Variants in DAB2 observed in about 807,000 individuals in gnomAD.
DAB2 encodes the protein DAB adaptor protein 2.
A neutral mutation model predicts 71.6 loss-of-function variants in DAB2; 28 were observed. The observed-to-expected ratio is 0.39, with a 90% confidence interval of 0.29 to 0.54. The LOEUF is 0.54. Ranked by LOEUF, DAB2 falls within the 20% of genes least tolerant of loss-of-function variation. The pLI, the probability that DAB2 is intolerant of heterozygous loss-of-function variation, is 0.68. For synonymous variants in DAB2, 345 were observed against 339.7 expected, an observed-to-expected ratio of 1.02 and a Z score of -0.17; for missense variants, 867 against 928.8, an observed-to-expected ratio of 0.93 and a Z score of 0.86.
At chr5:39,379,838 G>T (rs1754936945) in intron 11 of DAB2, among the ~76,000 whole-genome samples, 1 of 151,826 alleles carries the variant, frequency 6.6e-6, no homozygotes, top group Admixed American at 6.6e-5. Flanking sequence ...CTATACTGTA[G>T]AGCTCAGTTT....
At chr5:39,387,672 C>A (rs944644580) in intron 9 of DAB2, 1 of 147,192 alleles carries the variant, frequency 6.8e-6, no homozygotes, top group Non-Finnish European at 1.5e-5. Flanking sequence ...TGAATCTGGA[C>A]CTCTTTCCTT....
At chr5:39,390,388 A>T (rs538870996) in intron 5 of DAB2, 56 bp downstream of exon 5, 33 of 1,558,148 alleles carry the variant, frequency 2.1e-5, no homozygotes, top group Non-Finnish European at 2.7e-5. Context: ...AGTGACAGAC[A>T]CTCCAATGTC....
At chr5:39,400,222 A>G (rs982909960) in intron 1 of DAB2, among the ~76,000 whole-genome samples, 1 of 151,940 alleles carries the variant, frequency 6.6e-6, no homozygotes, top group Non-Finnish European at 1.5e-5. Flanking sequence ...TATGAAACAG[A>G]ATGTGTCTCT....
intron 9 of DAB2, chr5:39,387,905 T>C (rs1341412359): frequency 6.4e-6 from 1 of 155,878 alleles, no homozygotes. Flanking sequence ...TCACACCAAA[T>C]TTATGCTGCT....
At chr5:39,423,015 G>A (rs1388046021) in intron 1 of DAB2, among the ~76,000 whole-genome samples, 1 of 152,112 alleles carries the variant, frequency 6.6e-6, no homozygotes, top group Non-Finnish European at 1.5e-5. Flanking sequence ...CCCCAGAATG[G>A]CAAATACATA....
At chr5:39,396,273 ACTGT>A (rs762372121) in intron 1 of DAB2, among the ~76,000 whole-genome samples, 1 of 152,184 alleles carries the variant, frequency 6.6e-6, no homozygotes, top group Non-Finnish European at 1.5e-5. Flanking sequence ...TGTAACCCAG[ACTGT>A]CTGGCCCCAA....
chr5:39,374,834 T>C, intron 14 of DAB2, 180 bp downstream of exon 14: 1 of 582,826 alleles, frequency 1.7e-6, no homozygotes, highest in South Asian at 2.2e-5. Context: ...GGAATTCTAT[T>C]CTTAAGTGCC....
chr5:39,410,431 C>A (rs982914336), intron 1 of DAB2, among the ~76,000 whole-genome samples: 2 of 152,086 alleles, frequency 1.3e-5, no homozygotes, highest in African/African-American at 4.8e-5. Context: ...ATAGCCCATG[C>A]AAGATGTTGT....
At chr5:39,397,219 G>C (rs1437049070) in intron 1 of DAB2, among the ~76,000 whole-genome samples, 2 of 152,164 alleles carry the variant, frequency 1.3e-5, no homozygotes, top group Admixed American at 1.3e-4. Context: ...CATCATGCCT[G>C]TCCTGGAGAC....
At chr5:39,375,183 C>T in intron 13 of DAB2, 99 bp from the exon 14 acceptor site, 1 of 825,772 alleles carries the variant, frequency 1.2e-6, no homozygotes, top group Non-Finnish European at 2.0e-6. Context: ...TCGCTTAGGT[C>T]ATAGGCCAAT....
intron 1 of DAB2, among the ~76,000 whole-genome samples, chr5:39,421,687 C>T (rs576282900): frequency 6.6e-6 from 1 of 152,240 alleles, no homozygotes; most frequent in African/African-American, 2.4e-5. Flanking sequence ...CTTCTGATTT[C>T]CACCAGTTAA....
intron 1 of DAB2, among the ~76,000 whole-genome samples, chr5:39,407,432 C>G (rs539674438): frequency 6.6e-6 from 1 of 152,170 alleles, no homozygotes; most frequent in African/African-American, 2.4e-5. Context: ...TTTGGCCAGG[C>G]TGGTCTCAAA....
chr5:39,380,473 C>T (rs951288016), intron 11 of DAB2, among the ~76,000 whole-genome samples: 1 of 152,150 alleles, frequency 6.6e-6, no homozygotes, highest in Admixed American at 6.5e-5. Context: ...AGAGGAGAGT[C>T]CTTCCTCGTC....
chr5:39,381,577 G>A lies in DAB2; in HGVS notation c.1381C>T (p.Pro461Ser), dbSNP rs1488701109. Residue 461 changes from proline to serine, a missense_variant, in exon 11 of 15, where the codon CCT (proline) becomes TCT (serine). Physicochemically the swap from Pro to Ser is moderately conservative, Grantham distance 74 (BLOSUM62 -1). Transcript: ENST00000320816. ...NDLLASDIFA[P>S]PVSEPSGQAS... is the part of the protein sequence containing the mutation. ...TGGCCTGAAGGTTCTGAGACGGGAG[G>A]AGCAAAGATGTCTGATGCAAGCAAG... 1 of 1,614,044 alleles carries A rather than the reference G, an allele frequency of 6.2e-7. No individual in the cohort carries two copies. The highest frequency in any genetic ancestry group is 8.5e-7 in the Non-Finnish European group (1 of 1,179,956).
In DAB2 at chr5:39,376,773, C is replaced by T. The variant is rs1754840773; in HGVS notation, c.2014G>A (p.Glu672Lys). 1.2e-5 allele frequency: 20 copies of T among 1,614,152 alleles called. No individual in the cohort carries two copies. The highest frequency in any genetic ancestry group is 1.7e-5 in the Non-Finnish European group (20 of 1,180,024). Residue 672 changes from glutamate to lysine, a missense_variant, in exon 12 of 15, where the codon GAG becomes AAG. Physicochemically the swap from Glu to Lys is moderately conservative, Grantham distance 56. Coordinates refer to ENST00000320816, the MANE Select transcript of DAB2 (RefSeq NM_001343.4). ...CTCAAAGTCCCAGAAGAAGTCTGCT[C>T]TCCCTTCCGCGCGGGCACAGCAGGT... Reference protein sequence around the residue: ...QPPAVPARKGEQTSSGTLSAF... With the variant: ...QPPAVPARKGKQTSSGTLSAF...
chr5:39,388,972 T>C, intron 7 of DAB2, 120 bp from the exon 8 acceptor site: 1 of 1,313,516 alleles, frequency 7.6e-7, no homozygotes, highest in Non-Finnish European at 1.1e-6. Flanking sequence ...TAAACATCTT[T>C]CATGATCAGA....
At chr5:39,390,355 A>G (rs1755198501) in intron 5 of DAB2, 89 bp downstream of exon 5, 1 of 1,454,424 alleles carries the variant, frequency 6.9e-7, no homozygotes, top group South Asian at 1.3e-5. Flanking sequence ...ACATCCAATT[A>G]TTTCCAGTAA....
chr5:39,408,596 G>A lies in DAB2; in HGVS notation c.-101-14175C>T, dbSNP rs180682340. The A allele has an allele frequency of 4.6e-5, 7 of 152,282 alleles. No individual in the cohort carries two copies. The East Asian group carries it at 1.2e-3, about 25-fold the overall frequency. 9.4% of individuals were successfully genotyped at this position (152,282 alleles called of 1,614,324 possible). On this transcript the variant is annotated intron_variant, in intron 1 of 14. Coordinates refer to ENST00000320816, the MANE Select transcript of DAB2 (RefSeq NM_001343.4). ...CTTACTATTTACTGTCATCTGGTGT[G>A]CTCAAAATATTATCATTTAAAAAAT...
In DAB2 at chr5:39,383,153, G is replaced by A. The variant is rs373135500; in HGVS notation, c.806C>T (p.Thr269Met). 58 of 1,614,032 alleles carry A rather than the reference G, an allele frequency of 3.6e-5. No homozygotes were observed. Among genetic ancestry groups the A allele is most frequent in the South Asian group, 2.1e-4 (19 of 91,082 alleles). ...TTCAGGCAAGAAGGATGCCTGAGGC[G>A]TTGGTCGAGGAAGAGAACAGGAGGT... ...GITSCSLPRPTPQASFLPENA... is the reference protein window; with the variant it reads ...GITSCSLPRPMPQASFLPENA... The change falls in exon 10 of 15, where the codon ACG (threonine) becomes ATG (methionine). Residue 269 changes from threonine (T) to methionine (M), a missense_variant. By Grantham distance (81) the Thr-to-Met change is moderately conservative. Transcript: ENST00000320816.
Sources: gnomAD v4.1 joint callset for allele counts (sites outside exome capture counted in the v4.1 genomes callset) on GRCh38, gnomAD v4.1.1 for gene constraint, MANE v1.5 for transcripts, NCBI Gene and HGNC (gene_info 2026-07-23, HGNC 2026-07-21) for gene names.